The following EFCAB8 variants were observed in gnomAD, a reference collection of about 807,000 sequenced individuals.
EFCAB8 encodes the protein EF-hand calcium binding domain 8.
In EFCAB8, 100 loss-of-function variants were observed where a neutral mutation model predicts 116.3. The observed-to-expected ratio is 0.86, with a 90% CI of 0.73 to 1.02. EFCAB8 has a LOEUF of 1.02. Among genes scored for constraint, EFCAB8 ranks in the 50% least tolerant of loss-of-function variants. EFCAB8 has a pLI of 0.00. For synonymous variants in EFCAB8, 558 were observed against 567.9 expected (o/e 0.98, Z 0.25); for missense variants, 1,320 against 1,416.9 (o/e 0.93, Z 1.10).
chr20:32,943,766 G>A lies in EFCAB8; in HGVS notation c.2921G>A (p.Arg974Gln), dbSNP rs984129482. 2.6e-5 allele frequency: 11 copies of A among 416,742 alleles called. No individual in the cohort carries two copies. The highest frequency in any genetic ancestry group is 6.2e-4 in the Middle Eastern group (2 of 3,246). 25.8% of individuals were successfully genotyped at this position (416,742 alleles called of 1,614,324 possible). The change falls in exon 23 of 27, where the codon CGG (arginine) becomes CAG (glutamine). Residue 974 changes from arginine to glutamine, a missense_variant. By Grantham distance (43) the Arg-to-Gln change is conservative (BLOSUM62 1). Coordinates refer to ENST00000400522, the MANE Select transcript of EFCAB8 (RefSeq NM_001143967.2). Reference protein sequence around the residue: ...FQLVISAGQDRDVKAWKLSGD... With the variant: ...FQLVISAGQDQDVKAWKLSGD... ...CTGGTTATCAGCGCTGGCCAGGACC[G>A]GGACGTCAAGGCTTGGAAACTCTCC...
intron 23 of EFCAB8, among the ~76,000 whole-genome samples, chr20:32,955,210 G>A (rs1206818222): frequency 6.6e-5 from 10 of 152,152 alleles, no homozygotes; most frequent in Admixed American, 5.9e-4. Context: ...AAGAACACAA[G>A]TGAAAAACAG....
rs574680034 is a variant in EFCAB8, at chr20:32,930,765, C to T, written c.2631+149C>T. 90 of 769,770 alleles carry T rather than the reference C, an allele frequency of 1.2e-4. No homozygotes were observed. In the African/African-American group the frequency reaches 1.5e-3, roughly 13 times the overall value. 47.7% of individuals were successfully genotyped at this position (769,770 alleles called of 1,614,324 possible). A position where few individuals can be genotyped will look rare whatever the true frequency, so the allele number is the denominator to read the frequency against. Reference sequence around the variant, plus strand: ...ATGCAGCGAGGAGTCCTCTCCTGCTCTGCTAAGCCCAGTGACAGGAGCGGG... The same window carrying T: ...ATGCAGCGAGGAGTCCTCTCCTGCTTTGCTAAGCCCAGTGACAGGAGCGGG... On this transcript the variant is annotated intron_variant, in intron 21 of 26. Transcript: ENST00000400522.
intron 1 of EFCAB8, among the ~76,000 whole-genome samples, chr20:32,860,059 C>T (rs1984025027): frequency 6.6e-6 from 1 of 152,190 alleles, no homozygotes; most frequent in South Asian, 2.1e-4. Context: ...AATCCCAGCA[C>T]TTTGGGAAGC....
intron 22 of EFCAB8, among the ~76,000 whole-genome samples, chr20:32,931,865 C>T (rs1987923573): frequency 6.6e-6 from 1 of 152,222 alleles, no homozygotes; most frequent in Non-Finnish European, 1.5e-5. Context: ...AGTGTAATAT[C>T]TGGCACCAGA....
In EFCAB8 at chr20:32,909,916, C is replaced by G. The variant is rs1986840031; in HGVS notation, c.1542C>G (p.Ser514Arg). The change falls in exon 15 of 27, where the codon AGC (serine) becomes AGG (arginine). Residue 514 changes from serine (S) to arginine (R), a missense_variant. Physicochemically the swap from Ser to Arg is moderately radical, Grantham distance 110. Transcript: ENST00000400522. The part of the protein sequence containing the change: ...HCSPLCAVLY[S>R]KIFKQVVSGC... ...CACCCCTGTGTGCTGTCCTCTACAG[C>G]AAGATCTTTAAGCAGGTGAGTGGCC... is the stretch of plus-strand genomic sequence containing the variant. 2 of 1,249,654 alleles carry G rather than the reference C, an allele frequency of 1.6e-6. No homozygotes were observed. The highest frequency in any genetic ancestry group is 8.2e-5 in the South Asian group (2 of 24,390). 77.4% of individuals were successfully genotyped at this position (1,249,654 alleles called of 1,614,324 possible).
intron 20 of EFCAB8, among the ~76,000 whole-genome samples, chr20:32,921,045 T>C (rs186842351): frequency 6.6e-6 from 1 of 152,136 alleles, no homozygotes; most frequent in African/African-American, 2.4e-5. Context: ...AAATCATAGT[T>C]GAGTTAGGGT....
At chr20:32,906,220 A>G (rs1470648073) in intron 11 of EFCAB8, among the ~76,000 whole-genome samples, 1 of 152,152 alleles carries the variant, frequency 6.6e-6, no homozygotes, top group Non-Finnish European at 1.5e-5. Context: ...GTGAAAATCA[A>G]ATTTGCCCTT....
At chr20:32,883,212 G>A (rs1406365119) in intron 5 of EFCAB8, among the ~76,000 whole-genome samples, 1 of 152,130 alleles carries the variant, frequency 6.6e-6, no homozygotes, top group African/African-American at 2.4e-5. Flanking sequence ...AAGACATCTG[G>A]GTATTTCAGG....
intron 11 of EFCAB8, among the ~76,000 whole-genome samples, chr20:32,904,164 T>C (rs1284430597): frequency 2.0e-5 from 3 of 151,908 alleles, no homozygotes; most frequent in Non-Finnish European, 4.4e-5. Flanking sequence ...AGCTAATTTT[T>C]AATTTTTTTG....
chr20:32,900,076 T>C (rs1986357430), intron 11 of EFCAB8, among the ~76,000 whole-genome samples: 1 of 152,074 alleles, frequency 6.6e-6, no homozygotes, highest in Non-Finnish European at 1.5e-5. Context: ...GAGAGTCTTT[T>C]TGGGGGAACA....
Position 32,911,651 on chromosome 20 carries a change from TG to T in EFCAB8, c.1731del (p.Trp577Ter). ...TTTGCGGGATGGCACAATGAAGATG[TG>T]GAACTACAACATTGGCAAATGCCTG... ...TGLRDGTMKMWNYNIGKCLLT... is the reference protein window; with the variant it reads ...TGLRDGTMKMXNYNIGKCLLT... On this transcript the variant is annotated frameshift_variant, in exon 16 of 27. Transcript: ENST00000400522. LOFTEE classifies it high-confidence loss of function. 6.4e-7 allele frequency: 1 copy of T among 1,551,730 alleles called. No homozygotes were observed. The highest frequency in any genetic ancestry group is 2.4e-5 in the East Asian group (1 of 40,920).
At chr20:32,859,189 C>G (rs1369837484) in intron 1 of EFCAB8, among the ~76,000 whole-genome samples, 183 bp downstream of exon 1, 3 of 152,182 alleles carry the variant, frequency 2.0e-5, no homozygotes, top group Non-Finnish European at 4.4e-5. Flanking sequence ...CCCTCTCATC[C>G]CTAGCATGTT....
chr20:32,954,099 C>G (rs967106581), intron 23 of EFCAB8, among the ~76,000 whole-genome samples: 1 of 152,162 alleles, frequency 6.6e-6, no homozygotes, highest in Non-Finnish European at 1.5e-5. Flanking sequence ...AGCCACCACA[C>G]CCAGCATGAT....
chr20:32,959,162 T>C (rs1989063536), intron 24 of EFCAB8, among the ~76,000 whole-genome samples: 1 of 152,220 alleles, frequency 6.6e-6, no homozygotes, highest in African/African-American at 2.4e-5. Context: ...CCAGACACAG[T>C]CCTGCCTCAG....
chr20:32,911,080 A>C (rs1006396177), intron 15 of EFCAB8, among the ~76,000 whole-genome samples: 9 of 152,104 alleles, frequency 5.9e-5, no homozygotes, highest in Non-Finnish European at 8.8e-5. Flanking sequence ...ATGGTGGCAA[A>C]ATGTTTCATT....
Position 32,898,618 on chromosome 20 carries a change from A to G in EFCAB8, c.1083A>G (p.Lys361=). The G allele has an allele frequency of 1.4e-6, 1 of 717,086 alleles. No homozygotes were observed. The highest frequency in any genetic ancestry group is 1.5e-5 in the South Asian group (1 of 67,490). The allele number at this position is 717,086 out of a possible 1,614,324, so 44.4% of individuals were successfully genotyped here. A position where few individuals can be genotyped will look rare whatever the true frequency, so the allele number is the denominator to read the frequency against. ...LTILPAKASK[K]PRLSVLRLRK... ...TATTGCCAGCCAAAGCCTCTAAGAA[A>G]CCCAGGTAAGAAGTGCTTCTCTCCT... The change falls in exon 11 of 27, where the codon AAA becomes AAG. Residue 361 remains lysine, a synonymous_variant. Transcript: ENST00000400522.
chr20:32,897,023 C>T (rs747033724), intron 10 of EFCAB8, among the ~76,000 whole-genome samples: 14 of 152,178 alleles, frequency 9.2e-5, no homozygotes, highest in East Asian at 5.8e-4. Context: ...CCTGCAGAGA[C>T]GCAGGCTCCT....
chr20:32,896,367 A>G, intron 9 of EFCAB8, 87 bp from the exon 10 acceptor site: 1 of 684,756 alleles, frequency 1.5e-6, no homozygotes, highest in Admixed American at 2.3e-5. Context: ...AGGAGTTGCA[A>G]GCCAACTCAA....
At chr20:32,904,891 T>A (rs1252426389) in intron 11 of EFCAB8, among the ~76,000 whole-genome samples, 2 of 152,170 alleles carry the variant, frequency 1.3e-5, no homozygotes, top group African/African-American at 4.8e-5. Flanking sequence ...TCTCCCAAAG[T>A]GCTGGGATTA....
Sources: gnomAD v4.1 joint callset for allele counts (sites outside exome capture counted in the v4.1 genomes callset) on GRCh38, gnomAD v4.1.1 for gene constraint, MANE v1.5 for transcripts, NCBI Gene and HGNC (gene_info 2026-07-23, HGNC 2026-07-21) for gene names.